The following CHST4 variants were observed in gnomAD, a reference collection of about 807,000 sequenced individuals.
CHST4 encodes GST-3.
For synonymous variants in CHST4, 171 were observed against 195.5 expected, an observed-to-expected ratio of 0.87 and a Z score of 1.05; for missense variants, 466 against 506.0, an observed-to-expected ratio of 0.92 and a Z score of 0.76.
Position 71,537,860 on chromosome 16 carries a change from G to C in CHST4, c.*22G>C. Reference sequence around the variant, plus strand: ...CTAAGAGGGTTGAGAAGGCTTTGCTGCCACCTGGTGTCAGCCTCAGTCACT... The same window carrying C: ...CTAAGAGGGTTGAGAAGGCTTTGCTCCCACCTGGTGTCAGCCTCAGTCACT... On this transcript the variant is annotated 3_prime_UTR_variant, in exon 2 of 2. Coordinates refer to ENST00000539698, the MANE Select transcript of CHST4 (RefSeq NM_001166395.2). The surrounding 1 kb of genome is among the most constrained non-coding windows in gnomAD (Gnocchi z 4.2). 2 of 1,581,842 alleles carry C rather than the reference G, an allele frequency of 1.3e-6. No individual in the cohort carries two copies. The highest frequency in any genetic ancestry group is 1.7e-6 in the Non-Finnish European group (2 of 1,164,378).
Position 71,537,475 on chromosome 16 carries a change from C to T in CHST4, c.798C>T (p.Ala266=), listed in dbSNP as rs1446914382. The change falls in exon 2 of 2, where the codon GCC becomes GCT. Residue 266 remains alanine, a synonymous_variant. Transcript: ENST00000539698. The surrounding 1 kb of genome is among the most constrained non-coding windows in gnomAD (Gnocchi z 4.2). ...AGACCATCCAGTCCTTGCCCAAGGC[C>T]CTGCAGGAACGCTACCTGCTTGTGC... is the stretch of plus-strand genomic sequence containing the variant. ...IYKTIQSLPK[A]LQERYLLVRY... The T allele has an allele frequency of 1.2e-6, 2 of 1,614,192 alleles. No homozygotes were observed. The highest frequency in any genetic ancestry group is 1.7e-6 in the Non-Finnish European group (2 of 1,180,040).
chr16:71,536,826 C>G lies in CHST4; in HGVS notation c.149C>G (p.Ser50Cys). Reference protein sequence around the residue: ...PERMHVLVLSSWRSGSSFVGQ... With the variant: ...PERMHVLVLSCWRSGSSFVGQ... ...CGCATGCACGTGCTGGTTCTGTCTT[C>G]CTGGCGCTCTGGCTCTTCTTTTGTG... The change falls in exon 2 of 2, where the codon TCC becomes TGC. Residue 50 changes from serine (S) to cysteine (C), a missense_variant. Physicochemically the swap from Ser to Cys is moderately radical, Grantham distance 112. Coordinates refer to ENST00000539698, the MANE Select transcript of CHST4 (RefSeq NM_001166395.2). 6.5e-7 allele frequency: 1 copy of G among 1,539,876 alleles called. No individual in the cohort carries two copies. The highest frequency in any genetic ancestry group is 8.7e-7 in the Non-Finnish European group (1 of 1,143,966).
At chr16:71,532,897 G>A (rs931896079) in intron 1 of CHST4, among the ~76,000 whole-genome samples, 4 of 152,162 alleles carry the variant, frequency 2.6e-5, no homozygotes, top group Non-Finnish European at 5.9e-5. Flanking sequence ...ATAAACTGTG[G>A]TTAATCCATA....
chr16:71,537,108 A>G lies in CHST4; in HGVS notation c.431A>G (p.Asp144Gly). 1 of 1,614,106 alleles carries G rather than the reference A, an allele frequency of 6.2e-7. No homozygotes were observed. The highest frequency in any genetic ancestry group is 8.5e-7 in the Non-Finnish European group (1 of 1,180,012). The change falls in exon 2 of 2, where the codon GAT (aspartate) becomes GGT (glycine). Residue 144 changes from aspartate (D) to glycine (G), a missense_variant. Physicochemically the swap from Asp to Gly is moderately conservative, Grantham distance 94. Transcript: ENST00000539698. This position sits in a 1 kb window ranked among gnomAD's most constrained non-coding sequence, Gnocchi z 4.2. ...SAPACDIIPQ[D>G]EIIPRAHCRL... ...CCTGCCTGTGACATCATCCCACAAG[A>G]TGAAATCATCCCCCGGGCTCACTGC...
chr16:71,527,485 G>A (rs987372578), intron 1 of CHST4, among the ~76,000 whole-genome samples: 4 of 152,178 alleles, frequency 2.6e-5, no homozygotes, highest in African/African-American at 9.6e-5. Context: ...GATGGCTCGC[G>A]CCTGTAATCC....
intron 1 of CHST4, among the ~76,000 whole-genome samples, chr16:71,535,825 A>G (rs1597038349): frequency 6.6e-6 from 1 of 152,188 alleles, no homozygotes; most frequent in African/African-American, 2.4e-5. Context: ...TATTACCTAC[A>G]CAGATACAAG....
chr16:71,537,779 CAG>C lies in CHST4; in HGVS notation c.1106_1107del (p.Arg369LysfsTer14). 1.2e-6 allele frequency: 2 copies of C among 1,614,204 alleles called. No individual in the cohort carries two copies. Among genetic ancestry groups the C allele is most frequent in the Non-Finnish European group, 1.7e-6 (2 of 1,180,042 alleles). ...GYRHVRSEQE[Q>X]RNLLLDLLST... ...CCGCCACGTCAGATCTGAACAAGAA[CAG>C]AGAAACCTGTTGCTGGATCTTCTGT... On this transcript the variant is annotated frameshift_variant, in exon 2 of 2. Coordinates refer to ENST00000539698, the MANE Select transcript of CHST4 (RefSeq NM_001166395.2). LOFTEE classifies it low-confidence loss of function (END_TRUNC). The surrounding 1 kb of genome is among the most constrained non-coding windows in gnomAD (Gnocchi z 4.2).
chr16:71,528,108 T>C (rs965258489), intron 1 of CHST4, among the ~76,000 whole-genome samples: 14 of 151,986 alleles, frequency 9.2e-5, no homozygotes, highest in Non-Finnish European at 1.5e-4. Context: ...AAACCATGTC[T>C]GTACTAAAAA....
chr16:71,530,079 G>A (rs1406939385), intron 1 of CHST4, among the ~76,000 whole-genome samples: 2 of 151,870 alleles, frequency 1.3e-5, no homozygotes, highest in African/African-American at 2.4e-5. Flanking sequence ...CAGAGGTTGC[G>A]GTGAGCTGAG....
chr16:71,532,317 G>A (rs1382688068), intron 1 of CHST4, among the ~76,000 whole-genome samples: 1 of 152,080 alleles, frequency 6.6e-6, no homozygotes, highest in Non-Finnish European at 1.5e-5. Context: ...AAAGTGCTGG[G>A]ATTACAGACG....
At chr16:71,536,612 A>T in intron 1 of CHST4, 48 bp from the exon 2 acceptor site, 2 of 1,327,910 alleles carry the variant, frequency 1.5e-6, no homozygotes, top group Non-Finnish European at 1.9e-6. Context: ...TAGAAGGCAA[A>T]CAATAAAACA....
At chr16:71,536,628 C>T (rs1229031222) in intron 1 of CHST4, 32 bp from the exon 2 acceptor site, 4 of 1,361,368 alleles carry the variant, frequency 2.9e-6, no homozygotes, top group Non-Finnish European at 3.8e-6. Flanking sequence ...AAACAGCAGC[C>T]CAACTCCACC....
At chr16:71,536,428 GA>G (rs1036560116) in intron 1 of CHST4, among the ~76,000 whole-genome samples, 1 of 152,208 alleles carries the variant, frequency 6.6e-6, no homozygotes, top group Admixed American at 6.5e-5. Context: ...GGTTTAGAAA[GA>G]CCAGGAAGGA....
At position 71,537,997 on chromosome 16, in the gene CHST4, G is replaced by T. The variant is rs2044006188; in HGVS notation, c.*159G>T. 1 of 672,564 alleles carries T rather than the reference G, an allele frequency of 1.5e-6. No homozygotes were observed. Among genetic ancestry groups the T allele is most frequent in the Non-Finnish European group, 2.6e-6 (1 of 390,936 alleles). The allele number at this position is 672,564 out of a possible 1,614,324, so 41.7% of individuals were successfully genotyped here. ...CACGTGCTCAAGCAGAAGGACTTTT[G>T]TGTCCATGCTTGTGTCTAGAAAACA... On this transcript the variant is annotated 3_prime_UTR_variant, in exon 2 of 2. Transcript: ENST00000539698. The surrounding 1 kb of genome is among the most constrained non-coding windows in gnomAD (Gnocchi z 4.2).
At chr16:71,533,806 G>C (rs1336842729) in intron 1 of CHST4, among the ~76,000 whole-genome samples, 4 of 152,096 alleles carry the variant, frequency 2.6e-5, no homozygotes, top group African/African-American at 9.7e-5. Context: ...ATTTTTGGGA[G>C]GCTGAGGCAG....
At chr16:71,530,672 C>A (rs536820073) in intron 1 of CHST4, among the ~76,000 whole-genome samples, 26 of 152,106 alleles carry the variant, frequency 1.7e-4, no homozygotes, top group African/African-American at 6.0e-4. Context: ...GAGGCTGAGA[C>A]AGGAGGATCG....
chr16:71,537,880 G>C lies in CHST4; in HGVS notation c.*42G>C, dbSNP rs1311307613. On this transcript the variant is annotated 3_prime_UTR_variant, in exon 2 of 2. Transcript: ENST00000539698. The surrounding 1 kb of genome is among the most constrained non-coding windows in gnomAD (Gnocchi z 4.2). Reference sequence around the variant, plus strand: ...TTGCTGCCACCTGGTGTCAGCCTCAGTCACTTTCTCTGAATGCTTCTGAGC... The same window carrying C: ...TTGCTGCCACCTGGTGTCAGCCTCACTCACTTTCTCTGAATGCTTCTGAGC... The C allele has an allele frequency of 6.5e-7, 1 of 1,548,546 alleles. No individual in the cohort carries two copies. The highest frequency in any genetic ancestry group is 1.2e-5 in the South Asian group (1 of 81,328).
intron 1 of CHST4, among the ~76,000 whole-genome samples, chr16:71,529,106 TG>T (rs1383607969): frequency 6.6e-6 from 1 of 150,658 alleles, no homozygotes; most frequent in Non-Finnish European, 1.5e-5. Flanking sequence ...TTTTGTTTTT[TG>T]TTTTTTTTTT....
At position 71,536,798 on chromosome 16, in the gene CHST4, G is replaced by C; in HGVS notation, c.121G>C (p.Glu41Gln). The change falls in exon 2 of 2, where the codon GAG becomes CAG. Residue 41 changes from glutamate (E) to glutamine (Q), a missense_variant. Transcript: ENST00000539698. ...ISSLSMKAQPERMHVLVLSSW... is the reference protein window; with the variant it reads ...ISSLSMKAQPQRMHVLVLSSW... ...CTCCCTGTCTATGAAGGCACAGCCCGAGCGCATGCACGTGCTGGTTCTGTC... is the reference window on the plus strand; with the variant it reads ...CTCCCTGTCTATGAAGGCACAGCCCCAGCGCATGCACGTGCTGGTTCTGTC... 1 of 1,526,656 alleles carries C rather than the reference G, an allele frequency of 6.6e-7. No individual in the cohort carries two copies. Among genetic ancestry groups the C allele is most frequent in the Non-Finnish European group, 8.8e-7 (1 of 1,137,782 alleles). The allele number at this position is 1,526,656 out of a possible 1,614,324, so 94.6% of individuals were successfully genotyped here. A position where few individuals can be genotyped will look rare whatever the true frequency, so the allele number is the denominator to read the frequency against.
Sources: gnomAD v4.1 joint callset for allele counts (sites outside exome capture counted in the v4.1 genomes callset) on GRCh38, gnomAD v4.1.1 for gene constraint, Gnocchi (gnomAD v3.1) non-coding constraint, MANE v1.5 for transcripts, NCBI Gene and HGNC (gene_info 2026-07-23, HGNC 2026-07-21) for gene names.